Variants in NBEA observed in about 807,000 individuals in gnomAD.
NBEA encodes neurobeachin.
NBEA carries 44 observed loss-of-function variants against 343.4 expected under a neutral mutation model. That is an observed-to-expected ratio of 0.13 (90% CI 0.10 to 0.16). The LOEUF (loss-of-function observed/expected upper bound fraction) is 0.16. Among genes scored for constraint, NBEA ranks in the 10% least tolerant of loss-of-function variants. The pLI, the probability that NBEA is intolerant of heterozygous loss-of-function variation, is 1.00. For synonymous variants in NBEA, 1,175 were observed against 1,238.7 expected (o/e 0.95, Z 1.08); for missense variants, 2,555 against 3,631.3 (o/e 0.70, Z 7.62).
chr13:35,438,816 A>G (rs950392377), intron 39 of NBEA, among the ~76,000 whole-genome samples: 1 of 152,162 alleles, frequency 6.6e-6, no homozygotes, highest in African/African-American at 2.4e-5. Context: ...AAATAATTTC[A>G]ATGGGTTATA....
At chr13:35,503,516 A>G (rs2076967140) in intron 41 of NBEA, among the ~76,000 whole-genome samples, 1 of 151,978 alleles carries the variant, frequency 6.6e-6, no homozygotes, top group South Asian at 2.1e-4. Flanking sequence ...ATTAATAATA[A>G]CTAATCACCT....
intron 36 of NBEA, among the ~76,000 whole-genome samples, chr13:35,328,313 A>G (rs796162541): frequency 6.6e-6 from 1 of 151,998 alleles, no homozygotes; most frequent in African/African-American, 2.4e-5. Context: ...TTAAAAATAT[A>G]CAAAAGACTC....
chr13:35,557,669 AAATT>A (rs2079641414), intron 44 of NBEA, among the ~76,000 whole-genome samples: 1 of 152,152 alleles, frequency 6.6e-6, no homozygotes, highest in Non-Finnish European at 1.5e-5. Context: ...AATGGGATAA[AAATT>A]AACAATAGGG....
chr13:35,286,217 T>C (rs2152815149), intron 34 of NBEA, among the ~76,000 whole-genome samples: 1 of 152,280 alleles, frequency 6.6e-6, no homozygotes, highest in Admixed American at 6.5e-5. Flanking sequence ...ACAATATGTT[T>C]GGTAAATGTT....
At chr13:34,975,308 C>T (rs1233126655) in intron 1 of NBEA, among the ~76,000 whole-genome samples, 1 of 152,094 alleles carries the variant, frequency 6.6e-6, no homozygotes, top group Non-Finnish European at 1.5e-5. Flanking sequence ...AGAAATAAAG[C>T]CACATACAGC....
At chr13:35,668,021 C>A (rs2085439764) in intron 57 of NBEA, among the ~76,000 whole-genome samples, 1 of 152,142 alleles carries the variant, frequency 6.6e-6, no homozygotes. Flanking sequence ...TCCATTTGTT[C>A]TTTAATTCTC....
At chr13:35,059,743 C>CATAT (rs71078077) in intron 8 of NBEA, among the ~76,000 whole-genome samples, 3,358 of 145,774 alleles carry the variant, frequency 0.023, 50 homozygotes, top group Middle Eastern at 0.052. Context: ...CTTTGTATGT[C>CATAT]ATATATATAT....
At chr13:35,086,372 T>C (rs183175540) in intron 10 of NBEA, among the ~76,000 whole-genome samples, 5 of 152,064 alleles carry the variant, frequency 3.3e-5, no homozygotes, top group East Asian at 3.9e-4. Flanking sequence ...TACACTGATA[T>C]TAAACATGAG....
chr13:35,098,028 A>T (rs1459774645), intron 10 of NBEA, among the ~76,000 whole-genome samples: 1 of 152,144 alleles, frequency 6.6e-6, no homozygotes, highest in Non-Finnish European at 1.5e-5. Context: ...ATACGTAGAG[A>T]TAAACTTTGA....
intron 41 of NBEA, among the ~76,000 whole-genome samples, chr13:35,519,981 C>T (rs557752799): frequency 6.6e-6 from 1 of 152,232 alleles, no homozygotes; most frequent in Non-Finnish European, 1.5e-5. Context: ...TACAGCAGTC[C>T]CCAACCTTTT....
At chr13:35,525,584 A>C (rs9544548) in intron 41 of NBEA, among the ~76,000 whole-genome samples, 25,354 of 152,062 alleles carry the variant, frequency 0.17, 2,336 homozygotes, top group East Asian at 0.41. Context: ...AATAACAAAT[A>C]AAAAACAAAA....
chr13:35,236,859 T>C (rs2075264107), intron 34 of NBEA, among the ~76,000 whole-genome samples: 1 of 152,090 alleles, frequency 6.6e-6, no homozygotes, highest in African/African-American at 2.4e-5. Context: ...GCTCCTACAG[T>C]ATTTTACTTA....
At chr13:35,669,364 T>C (rs1256661843) in intron 58 of NBEA, among the ~76,000 whole-genome samples, 1 of 152,174 alleles carries the variant, frequency 6.6e-6, no homozygotes. Context: ...CCCAACTACA[T>C]GTAATATTCC....
chr13:35,251,694 A>AGTGAGTTGCTCTG, intron 34 of NBEA: 1 of 459,526 alleles, frequency 2.2e-6, no homozygotes, highest in Non-Finnish European at 3.3e-6. Context: ...ATATGGCTCC[A>AGTGAGTTGCTCTG]GAGCAACTCA....
intron 49 of NBEA, among the ~76,000 whole-genome samples, chr13:35,641,371 T>C (rs574621907): frequency 6.6e-6 from 1 of 152,234 alleles, no homozygotes; most frequent in South Asian, 2.1e-4. Context: ...TCAAAAGACA[T>C]GTACAAGAAT....
intron 1 of NBEA, among the ~76,000 whole-genome samples, chr13:34,976,940 A>ATTT (rs58973015): frequency 3.9e-5 from 5 of 129,646 alleles, no homozygotes; most frequent in Admixed American, 7.9e-5. Flanking sequence ...TTTTCTCTCT[A>ATTT]TTTTTTTTTT....
intron 33 of NBEA, among the ~76,000 whole-genome samples, chr13:35,222,044 A>G (rs1383638865): frequency 2.0e-5 from 3 of 152,108 alleles, no homozygotes; most frequent in Non-Finnish European, 4.4e-5. Context: ...GAATTTGCCT[A>G]TTACTAAAGG....
At chr13:35,648,018 G>A (rs1298541815) in intron 51 of NBEA, among the ~76,000 whole-genome samples, 1 of 151,806 alleles carries the variant, frequency 6.6e-6, no homozygotes, top group African/African-American at 2.4e-5. Flanking sequence ...TGGGACTACG[G>A]GTGTGTGCCA....
At chr13:35,408,073 A>G (rs1430529604) in intron 38 of NBEA, among the ~76,000 whole-genome samples, 3 of 152,204 alleles carry the variant, frequency 2.0e-5, no homozygotes, top group African/African-American at 4.8e-5. Context: ...AGCAAAAATA[A>G]TAAAGCTGGA....
Sources: allele counts gnomAD v4.1 joint callset (sites outside exome capture counted in the v4.1 genomes callset), GRCh38; gene constraint gnomAD v4.1.1; transcripts MANE v1.5; gene names NCBI Gene and HGNC (gene_info 2026-07-23, HGNC 2026-07-21).